ATP11C: variants seen among roughly 807,000 people sequenced by gnomAD.
ATP11C encodes phospholipid-transporting ATPase IG.
In ATP11C, 36 loss-of-function variants were observed where a neutral mutation model predicts 97.4. The observed-to-expected ratio is 0.37, with a 90% CI of 0.28 to 0.49. ATP11C has a LOEUF of 0.49. Ranked by LOEUF, ATP11C falls within the 20% of genes least tolerant of loss-of-function variation. ATP11C has a pLI of 0.98. For missense variants in ATP11C, 730 were observed against 824.6 expected, an observed-to-expected ratio of 0.89 and a Z score of 1.40; for synonymous variants, 275 against 290.9, an observed-to-expected ratio of 0.95 and a Z score of 0.56.
At chrX:139,793,840 T>C (rs1250898689) in intron 12 of ATP11C, among the ~76,000 whole-genome samples, 1 of 111,644 alleles carries the variant, frequency 9.0e-6, no homozygotes, top group Non-Finnish European at 1.9e-5. Context: ...CACATTGCTA[T>C]AGTTAGGTCT....
intron 1 of ATP11C, among the ~76,000 whole-genome samples, chrX:139,859,913 A>C (rs1297923215): frequency 1.2e-5 from 1 of 83,338 alleles, no homozygotes; most frequent in Non-Finnish European, 2.0e-5. Flanking sequence ...CATCCCGGCT[A>C]AAAACGGTGA....
At chrX:139,859,223 T>G (rs2147981675) in intron 1 of ATP11C, among the ~76,000 whole-genome samples, 1 of 111,817 alleles carries the variant, frequency 8.9e-6, no homozygotes, top group African/African-American at 3.2e-5. Flanking sequence ...GAGGGATGGC[T>G]CTTGGATTCA....
chrX:139,927,148 T>C lies in ATP11C; in HGVS notation c.27+4868A>G, dbSNP rs140513778. 3.4e-3 allele frequency among the ~76,000 whole-genome samples: 375 copies of C among 111,923 alleles called. 2 individuals are homozygous for C. Among genetic ancestry groups the C allele is most frequent in the African/African-American group, 0.011 (348 of 30,786 alleles). ...GTTACCATGCCCTCTATATCTATAG[T>C]TGTGTATGTAATGATAATTACAGCT... is the stretch of plus-strand genomic sequence containing the variant. On this transcript the variant is annotated intron_variant, in intron 1 of 29. Transcript: ENST00000682941.
intron 1 of ATP11C, among the ~76,000 whole-genome samples, chrX:139,906,089 G>A (rs1393965611): frequency 9.0e-6 from 1 of 111,208 alleles, no homozygotes; most frequent in Non-Finnish European, 1.9e-5. Flanking sequence ...CCTTCTTTGG[G>A]AGCTAAGCTT....
chrX:139,828,673 A>C (rs1218959800), intron 1 of ATP11C, among the ~76,000 whole-genome samples: 2 of 112,137 alleles, frequency 1.8e-5, no homozygotes, highest in Admixed American at 9.4e-5. Flanking sequence ...CTGCAGAGTA[A>C]ATGAGGCAGG....
chrX:139,736,014 C>G (rs775789959), intron 28 of ATP11C, among the ~76,000 whole-genome samples: 1 of 111,779 alleles, frequency 8.9e-6, no homozygotes, highest in African/African-American at 3.2e-5. Flanking sequence ...AGCATATCAG[C>G]ATGCCAAGCC....
chrX:139,892,937 A>T (rs925068440), intron 1 of ATP11C, among the ~76,000 whole-genome samples: 3 of 112,005 alleles, frequency 2.7e-5, no homozygotes, highest in African/African-American at 9.7e-5. Flanking sequence ...AGTTCAAAAG[A>T]GGTGCTCAAA....
intron 14 of ATP11C, 49 bp from the exon 15 acceptor site, chrX:139,787,293 AT>A: frequency 3.9e-6 from 4 of 1,026,957 alleles, no homozygotes; most frequent in South Asian, 2.2e-5. Flanking sequence ...AGAATGATTA[AT>A]TTTTTTATTA....
At chrX:139,923,887 T>C (rs908063656) in intron 1 of ATP11C, among the ~76,000 whole-genome samples, 7 of 111,886 alleles carry the variant, frequency 6.3e-5, no homozygotes, top group Admixed American at 4.8e-4. Flanking sequence ...TCCATGACTA[T>C]AAAACTCAAA....
chrX:139,800,676 A>G (rs774692756), intron 7 of ATP11C, among the ~76,000 whole-genome samples: 3 of 111,797 alleles, frequency 2.7e-5, no homozygotes, highest in Non-Finnish European at 5.6e-5. Flanking sequence ...CTTGAATGCC[A>G]TCTTGGAAAT....
At chrX:139,764,550 G>A (rs1228256500) in intron 20 of ATP11C, among the ~76,000 whole-genome samples, 2 of 111,957 alleles carry the variant, frequency 1.8e-5, no homozygotes, top group African/African-American at 3.2e-5. Flanking sequence ...GGAATCTAGC[G>A]GCTTAAAAAA....
At chrX:139,804,270 A>C (rs992909473) in intron 6 of ATP11C, among the ~76,000 whole-genome samples, 3 of 111,200 alleles carry the variant, frequency 2.7e-5, no homozygotes, top group African/African-American at 9.8e-5. Context: ...CAGTTTTTCC[A>C]CACGTAATTA....
At chrX:139,773,127 G>A (rs2082284881) in intron 19 of ATP11C, among the ~76,000 whole-genome samples, 1 of 111,148 alleles carries the variant, frequency 9.0e-6, no homozygotes, top group Admixed American at 9.5e-5. Context: ...ACTCTCATGA[G>A]ATCTGATGGG....
At chrX:139,767,144 G>GA (rs1233194535) in intron 20 of ATP11C, among the ~76,000 whole-genome samples, 2 of 111,742 alleles carry the variant, frequency 1.8e-5, no homozygotes, top group Non-Finnish European at 3.8e-5. Context: ...AAGGGACTAA[G>GA]AAACTACTGA....
chrX:139,750,182 G>A (rs891629656), intron 23 of ATP11C, 30 bp from the exon 24 acceptor site: 1 of 1,138,261 alleles, frequency 8.8e-7, no homozygotes. Context: ...AGGAAAGAAA[G>A]AAATTTCATG....
At chrX:139,820,060 A>G (rs904429217) in intron 2 of ATP11C, among the ~76,000 whole-genome samples, 5 of 111,106 alleles carry the variant, frequency 4.5e-5, no homozygotes, top group African/African-American at 1.6e-4. Flanking sequence ...GGTGACGCAC[A>G]CTGTAATCCC....
At chrX:139,816,769 C>T in intron 4 of ATP11C, 94 bp downstream of exon 4, 1 of 512,963 alleles carries the variant, frequency 1.9e-6, no homozygotes, top group Non-Finnish European at 3.3e-6. Context: ...AAGGATACTA[C>T]CCACTGTATA....
chrX:139,869,594 C>T (rs1165441863), intron 1 of ATP11C, among the ~76,000 whole-genome samples: 1 of 93,732 alleles, frequency 1.1e-5, no homozygotes, highest in Non-Finnish European at 2.1e-5. Context: ...CTAGCCTGGC[C>T]AATGTGGCAA....
chrX:139,796,637 C>T (rs2082802728), intron 11 of ATP11C, among the ~76,000 whole-genome samples, 167 bp from the exon 12 acceptor site: 1 of 112,273 alleles, frequency 8.9e-6, no homozygotes, highest in Non-Finnish European at 1.9e-5. Flanking sequence ...AAAATTATCA[C>T]AGTATGTGAG....
Sources: gnomAD v4.1 joint callset for allele counts (sites outside exome capture counted in the v4.1 genomes callset) on GRCh38, gnomAD v4.1.1 for gene constraint, MANE v1.5 for transcripts, NCBI Gene and HGNC (gene_info 2026-07-23, HGNC 2026-07-21) for gene names.